The following ZYG11B variants were observed in gnomAD, a reference collection of about 807,000 sequenced individuals.
ZYG11B encodes the protein protein zyg-11 homolog B.
Under a neutral mutation model 82.4 loss-of-function variants are expected in ZYG11B, and 36 were observed. That is an observed-to-expected ratio of 0.44 (90% CI 0.33 to 0.58). The LOEUF (loss-of-function observed/expected upper bound fraction) is 0.58. Ranked by LOEUF, ZYG11B falls within the 20% of genes least tolerant of loss-of-function variation. The pLI, the probability that ZYG11B is intolerant of heterozygous loss-of-function variation, is 0.02. For synonymous variants in ZYG11B, 303 were observed against 312.8 expected, an observed-to-expected ratio of 0.97 and a Z score of 0.33; for missense variants, 552 against 895.6, an observed-to-expected ratio of 0.62 and a Z score of 4.90.
In ZYG11B at chr1:52,824,510, G is replaced by C. The variant is rs1390774126; in HGVS notation, c.*2881G>C. The C allele has an allele frequency of 6.6e-6, 1 of 151,730 alleles. No homozygotes were observed. Among genetic ancestry groups the C allele is most frequent in the Non-Finnish European group, 1.5e-5 (1 of 68,008 alleles). The allele number at this position is 151,730 out of a possible 1,614,324, so 9.4% of individuals were successfully genotyped here. A position where few individuals can be genotyped will look rare whatever the true frequency, so the allele number is the denominator to read the frequency against. On this transcript the variant is annotated 3_prime_UTR_variant, in exon 14 of 14. Transcript: ENST00000294353. ...AAAAATTAGCTGGGTGTGGTGGCGG[G>C]CACCTGTAATCCCAGCTACTCAGGA...
At chr1:52,800,647 AAAAAT>A (rs1645068462) in intron 8 of ZYG11B, among the ~76,000 whole-genome samples, 1 of 152,010 alleles carries the variant, frequency 6.6e-6, no homozygotes, top group African/African-American at 2.4e-5. Context: ...CATCTCTACT[AAAAAT>A]ATAAAAATTA....
chr1:52,821,114 T>C (rs1397595842), intron 13 of ZYG11B, among the ~76,000 whole-genome samples: 2 of 149,950 alleles, frequency 1.3e-5, no homozygotes, highest in African/African-American at 4.9e-5. Flanking sequence ...GCATAGGAAA[T>C]GCATAAAAAT....
chr1:52,734,975 C>T (rs180900027), intron 1 of ZYG11B, among the ~76,000 whole-genome samples: 8 of 150,568 alleles, frequency 5.3e-5, no homozygotes, highest in East Asian at 4.0e-4. Flanking sequence ...GTGATCCGCC[C>T]GCCTTGGCTT....
Position 52,796,748 on chromosome 1 carries a change from A to G in ZYG11B, c.1449A>G (p.Gln483=). Reference sequence around the variant, plus strand: ...CTTGCTTGCAGCTTTCTACAGAACAAACTGCACAGCTTGGTACTGAGCTCT... The same window carrying G: ...CTTGCTTGCAGCTTTCTACAGAACAGACTGCACAGCTTGGTACTGAGCTCT... ...SILAAKLSTE[Q]TAQLGTELFI... The change falls in exon 8 of 14, where the codon CAA becomes CAG. Residue 483 remains glutamine (Q), a synonymous_variant. Coordinates refer to ENST00000294353, the MANE Select transcript of ZYG11B (RefSeq NM_024646.3). 2 of 1,598,462 alleles carry G rather than the reference A, an allele frequency of 1.3e-6. No homozygotes were observed. The highest frequency in any genetic ancestry group is 1.7e-6 in the Non-Finnish European group (2 of 1,174,692).
chr1:52,818,574 G>A (rs577842273), intron 13 of ZYG11B, among the ~76,000 whole-genome samples: 12 of 152,180 alleles, frequency 7.9e-5, no homozygotes, highest in African/African-American at 2.9e-4. Context: ...AGTAAAAAGC[G>A]ACATGGTTCT....
chr1:52,745,609 G>T (rs1240477433), intron 1 of ZYG11B, among the ~76,000 whole-genome samples: 1 of 152,168 alleles, frequency 6.6e-6, no homozygotes, highest in Non-Finnish European at 1.5e-5. Context: ...CTGTTGCCCA[G>T]GCTGGAGTGC....
intron 6 of ZYG11B, among the ~76,000 whole-genome samples, chr1:52,791,886 G>C (rs781390401): frequency 6.6e-6 from 1 of 152,120 alleles, no homozygotes; most frequent in Non-Finnish European, 1.5e-5. Flanking sequence ...GAAAGACATA[G>C]TCACTCTCCT....
intron 1 of ZYG11B, among the ~76,000 whole-genome samples, chr1:52,738,293 C>G (rs956045863): frequency 1.3e-5 from 2 of 152,178 alleles, no homozygotes; most frequent in Non-Finnish European, 2.9e-5. Context: ...TCACTGCAGC[C>G]TCAGCCTCCT....
intron 8 of ZYG11B, 135 bp downstream of exon 8, chr1:52,796,919 T>G (rs180935029): frequency 9.9e-6 from 1 of 100,650 alleles, no homozygotes; most frequent in Admixed American, 1.9e-4. Flanking sequence ...TATTATATAT[T>G]ATATATAATT....
At chr1:52,813,998 T>C in intron 12 of ZYG11B, 86 bp downstream of exon 12, 1 of 1,276,556 alleles carries the variant, frequency 7.8e-7, no homozygotes, top group Non-Finnish European at 1.1e-6. Flanking sequence ...GCATAATTTT[T>C]CCCTCAGGCA....
intron 1 of ZYG11B, among the ~76,000 whole-genome samples, chr1:52,745,543 A>C (rs1644468655): frequency 6.6e-6 from 1 of 152,146 alleles, no homozygotes; most frequent in African/African-American, 2.4e-5. Context: ...GAGATGTATA[A>C]GGCATGGCTC....
At chr1:52,731,733 T>A (rs1558113974) in intron 1 of ZYG11B, among the ~76,000 whole-genome samples, 1 of 152,158 alleles carries the variant, frequency 6.6e-6, no homozygotes, top group South Asian at 2.1e-4. Context: ...AGATATAAAG[T>A]GATATTGTGT....
intron 10 of ZYG11B, among the ~76,000 whole-genome samples, chr1:52,809,977 A>C (rs1040333486): frequency 3.3e-5 from 5 of 152,108 alleles, no homozygotes; most frequent in African/African-American, 1.2e-4. Flanking sequence ...TTTTTGATTG[A>C]ATGCCAGACA....
intron 2 of ZYG11B, among the ~76,000 whole-genome samples, chr1:52,764,691 C>G (rs1218672718): frequency 6.6e-6 from 1 of 152,102 alleles, no homozygotes; most frequent in African/African-American, 2.4e-5. Flanking sequence ...AGGAAGTAAA[C>G]ATATAGAATT....
chr1:52,738,084 T>G (rs971410893), intron 1 of ZYG11B, among the ~76,000 whole-genome samples: 1 of 152,242 alleles, frequency 6.6e-6, no homozygotes, highest in Non-Finnish European at 1.5e-5. Context: ...TGAAAGTCAC[T>G]TGTCTATATA....
intron 2 of ZYG11B, among the ~76,000 whole-genome samples, chr1:52,765,052 C>CT (rs879681687): frequency 2.1e-3 from 297 of 142,684 alleles, no homozygotes; most frequent in East Asian, 0.013. Flanking sequence ...TCTGAGTGAT[C>CT]TTTTTTTTTT....
chr1:52,774,349 C>G (rs1291735345), intron 3 of ZYG11B, among the ~76,000 whole-genome samples: 1 of 150,604 alleles, frequency 6.6e-6, no homozygotes, highest in African/African-American at 2.5e-5. Flanking sequence ...GCTCCGTCAC[C>G]CAGGCTGGAG....
chr1:52,747,307 T>A (rs201581296), intron 1 of ZYG11B, among the ~76,000 whole-genome samples: 2 of 28,738 alleles, frequency 7.0e-5, no homozygotes, highest in African/African-American at 1.8e-3. Context: ...TCACTTTTGA[T>A]TTTTTTTTTT....
At position 52,726,738 on chromosome 1, in the gene ZYG11B, C is replaced by T. The variant is rs1402446952; in HGVS notation, c.30+55C>T. ...GCCGCCCGCCACCCTAGCCCCCGCCCGTCGCGCTGGCCCCTGCGGTCTTGC... is the reference window on the plus strand; with the variant it reads ...GCCGCCCGCCACCCTAGCCCCCGCCTGTCGCGCTGGCCCCTGCGGTCTTGC... On this transcript the variant is annotated intron_variant, in intron 1 of 13. Coordinates refer to ENST00000294353, the MANE Select transcript of ZYG11B (RefSeq NM_024646.3). 1.1e-5 allele frequency: 16 copies of T among 1,430,300 alleles called. 1 individual carries two copies. Among genetic ancestry groups the T allele is most frequent in the East Asian group, 3.0e-5 (1 of 33,620 alleles). 88.6% of individuals were successfully genotyped at this position (1,430,300 alleles called of 1,614,324 possible).
Sources: allele counts gnomAD v4.1 joint callset (sites outside exome capture counted in the v4.1 genomes callset), GRCh38; gene constraint gnomAD v4.1.1; transcripts MANE v1.5; gene names NCBI Gene and HGNC (gene_info 2026-07-23, HGNC 2026-07-21).